RIMS2: variants seen among roughly 807,000 people sequenced by gnomAD.
RIMS2 encodes the protein regulating synaptic membrane exocytosis protein 2.
RIMS2 carries 59 observed loss-of-function variants against 174.4 expected under a neutral mutation model. The ratio of observed to expected loss-of-function variants is 0.34; its 90% CI spans 0.27 to 0.42. The LOEUF (loss-of-function observed/expected upper bound fraction) is 0.42, where lower values mean the gene tolerates loss of function less well. RIMS2 is among the 10% of genes least tolerant of loss of function. The pLI is 1.00. For synonymous variants in RIMS2, 606 were observed against 572.5 expected (o/e 1.06, Z -0.84); for missense variants, 1,620 against 1,666.3 (o/e 0.97, Z 0.48).
At chr8:103,954,540 T>A (rs1224887837) in intron 14 of RIMS2, among the ~76,000 whole-genome samples, 2 of 152,218 alleles carry the variant, frequency 1.3e-5, no homozygotes, top group South Asian at 2.1e-4. Flanking sequence ...AATAAAGATG[T>A]TCTTTGAAAC....
At chr8:103,572,736 A>C (rs778672071) in intron 1 of RIMS2, among the ~76,000 whole-genome samples, 1 of 152,052 alleles carries the variant, frequency 6.6e-6, no homozygotes, top group Non-Finnish European at 1.5e-5. Context: ...CTCTTTGCCA[A>C]CTTTTTAATG....
At chr8:104,039,683 T>G (rs1386905507) in intron 19 of RIMS2, among the ~76,000 whole-genome samples, 1 of 151,764 alleles carries the variant, frequency 6.6e-6, no homozygotes, top group East Asian at 1.9e-4. Context: ...AGGGAAATTT[T>G]GTGTATAAAA....
At chr8:103,736,843 T>A (rs1159971325) in intron 2 of RIMS2, among the ~76,000 whole-genome samples, 3 of 152,144 alleles carry the variant, frequency 2.0e-5, no homozygotes, top group Non-Finnish European at 2.9e-5. Context: ...AGGGTTGACA[T>A]TTAGGTAGAA....
chr8:104,252,388 A>T (rs1060441), downstream of RIMS2: 116,619 of 155,310 alleles, frequency 0.75, 45,128 homozygotes, highest in African/African-American at 0.94. Flanking sequence ...GGGCACGTCA[A>T]TTACTAATGC....
chr8:103,674,487 T>C (rs1052810104), intron 1 of RIMS2, among the ~76,000 whole-genome samples: 1 of 152,138 alleles, frequency 6.6e-6, no homozygotes, highest in African/African-American at 2.4e-5. Flanking sequence ...TTTAACTGTT[T>C]TTTTTGTATC....
intron 3 of RIMS2, 31 bp from the exon 7 acceptor site, chr8:103,885,267 T>C: frequency 6.6e-7 from 1 of 1,523,132 alleles, no homozygotes; most frequent in Non-Finnish European, 8.8e-7. Context: ...ACTTTTGCTC[T>C]TCTCATTGTT....
At chr8:103,795,403 G>A (rs984196978) in intron 3 of RIMS2, among the ~76,000 whole-genome samples, 1 of 144,734 alleles carries the variant, frequency 6.9e-6, no homozygotes, top group Non-Finnish European at 1.5e-5. Context: ...TGGACACAGA[G>A]TAGGGAACAT....
chr8:103,934,435 C>A (rs1008691032), intron 12 of RIMS2, among the ~76,000 whole-genome samples: 18 of 152,004 alleles, frequency 1.2e-4, no homozygotes, highest in African/African-American at 3.9e-4. Flanking sequence ...GAAAGTAAAA[C>A]TCATTTTTTT....
chr8:104,253,286 T>A (rs1249386809), downstream of RIMS2: 1 of 152,156 alleles, frequency 6.6e-6, no homozygotes, highest in Non-Finnish European at 1.5e-5. Flanking sequence ...TGTTTTTTAA[T>A]CATTTAAAGC....
At chr8:104,082,721 A>G (rs959278468) in intron 19 of RIMS2, among the ~76,000 whole-genome samples, 8 of 151,846 alleles carry the variant, frequency 5.3e-5, no homozygotes, top group African/African-American at 1.7e-4. Flanking sequence ...AAATACCTGT[A>G]TTATTTTAAA....
intron 16 of RIMS2, 110 bp downstream of exon 18, chr8:103,975,616 G>A: frequency 1.4e-6 from 1 of 700,748 alleles, no homozygotes; most frequent in African/African-American, 1.8e-5. Context: ...TTATTAGGGA[G>A]AATTGGCTCA....
intron 13 of RIMS2, among the ~76,000 whole-genome samples, chr8:103,940,149 T>A (rs1038713824): frequency 3.3e-5 from 5 of 152,166 alleles, no homozygotes; most frequent in Non-Finnish European, 5.9e-5. Flanking sequence ...TTAGTTCGTT[T>A]TCATGCTGCT....
intron 3 of RIMS2, among the ~76,000 whole-genome samples, chr8:103,774,526 G>A (rs993548843): frequency 1.3e-5 from 2 of 152,118 alleles, no homozygotes; most frequent in Non-Finnish European, 2.9e-5. Context: ...CTATTTACAT[G>A]CACAAAAACA....
intron 1 of RIMS2, among the ~76,000 whole-genome samples, chr8:103,508,237 T>TA (rs1451605377): frequency 1.3e-5 from 2 of 152,092 alleles, no homozygotes; most frequent in Non-Finnish European, 2.9e-5. Flanking sequence ...AGAAACGTGA[T>TA]AAACCACATG....
chr8:103,970,325 T>C (rs2092719622), intron 15 of RIMS2, among the ~76,000 whole-genome samples: 1 of 152,180 alleles, frequency 6.6e-6, no homozygotes. Flanking sequence ...TAGAGTGGAC[T>C]AGATTTGGGT....
At chr8:104,237,339 C>T (rs1242432835) in intron 19 of RIMS2, among the ~76,000 whole-genome samples, 2 of 152,106 alleles carry the variant, frequency 1.3e-5, no homozygotes, top group Non-Finnish European at 2.9e-5. Context: ...AATGGCTTAA[C>T]ACAAAAAATT....
At chr8:103,988,362 C>T (rs1329404262) in intron 16 of RIMS2, among the ~76,000 whole-genome samples, 1 of 152,198 alleles carries the variant, frequency 6.6e-6, no homozygotes, top group Non-Finnish European at 1.5e-5. Context: ...TCCTATCTTT[C>T]ATCCTACAAT....
intron 1 of RIMS2, among the ~76,000 whole-genome samples, chr8:103,645,791 G>C (rs917273250): frequency 6.6e-6 from 1 of 151,884 alleles, no homozygotes; most frequent in Non-Finnish European, 1.5e-5. Flanking sequence ...CACACTAATA[G>C]GTCTGTAGAA....
At chr8:103,546,971 C>G (rs944578772) in intron 1 of RIMS2, among the ~76,000 whole-genome samples, 1 of 149,242 alleles carries the variant, frequency 6.7e-6, no homozygotes, top group African/African-American at 2.5e-5. Context: ...TTATGCGGTG[C>G]CTCACTGAGA....
Sources: gnomAD v4.1 joint callset for allele counts (sites outside exome capture counted in the v4.1 genomes callset) on GRCh38, gnomAD v4.1.1 for gene constraint, MANE v1.5 for transcripts, NCBI Gene and HGNC (gene_info 2026-07-23, HGNC 2026-07-21) for gene names.